SYNE2: variants seen among roughly 807,000 people sequenced by gnomAD.
SYNE2 encodes spectrin repeat containing nuclear envelope protein 2.
SYNE2 carries 431 observed loss-of-function variants against 856.3 expected under a neutral mutation model. The ratio of observed to expected loss-of-function variants is 0.50; its 90% CI spans 0.47 to 0.55. The LOEUF (loss-of-function observed/expected upper bound fraction) is 0.55. Ranked by LOEUF, SYNE2 falls within the 20% of genes least tolerant of loss-of-function variation. The pLI, the probability that SYNE2 is intolerant of heterozygous loss-of-function variation, is 0.00. For missense variants in SYNE2, 8,129 were observed against 8,023.2 expected (o/e 1.01, Z -0.50); for synonymous variants, 2,923 against 2,872.3 (o/e 1.02, Z -0.56).
At chr14:63,908,526 A>T (rs913347702) in intron 1 of SYNE2, among the ~76,000 whole-genome samples, 1 of 152,218 alleles carries the variant, frequency 6.6e-6, no homozygotes, top group Admixed American at 6.5e-5. Context: ...AGAAATGTGT[A>T]GGTGAAAAAA....
In SYNE2 at chr14:64,219,354, A is replaced by G; in HGVS notation, c.19804A>G (p.Met6602Val). 6.2e-7 allele frequency: 1 copy of G among 1,614,154 alleles called. No homozygotes were observed. Among genetic ancestry groups the G allele is most frequent in the Non-Finnish European group, 8.5e-7 (1 of 1,180,044 alleles). ...KTEAELEMLKMAKPPSDIQEI... is the reference protein window; with the variant it reads ...KTEAELEMLKVAKPPSDIQEI... ...TGAAGCAGAGCTGGAAATGTTAAAG[A>G]TGGCAAAGCCTCCCTCTGATATCCA... is the stretch of plus-strand genomic sequence containing the variant. Residue 6602 changes from methionine (M) to valine (V), a missense_variant, in exon 110 of 116, where the codon ATG becomes GTG. Met to Val is a conservative substitution (Grantham distance 21). This residue lies in a region of SYNE2 where 5,410 missense variants were observed against 5,284.8 expected (regional missense o/e 1.02). Coordinates refer to ENST00000555002, the MANE Select transcript of SYNE2 (RefSeq NM_182914.3).
At chr14:64,155,826 G>T (rs1045400202) in intron 85 of SYNE2, among the ~76,000 whole-genome samples, 2 of 152,220 alleles carry the variant, frequency 1.3e-5, no homozygotes, top group Non-Finnish European at 2.9e-5. Context: ...TATTCGGGAG[G>T]CCGAGATGGG....
At chr14:64,144,273 A>T (rs962072378) in intron 83 of SYNE2, among the ~76,000 whole-genome samples, 12 of 152,234 alleles carry the variant, frequency 7.9e-5, no homozygotes, top group African/African-American at 2.7e-4. Flanking sequence ...GCAGATGTTC[A>T]AAAGGGGCAA....
chr14:63,986,207 C>T (rs181927550), intron 18 of SYNE2, among the ~76,000 whole-genome samples: 5 of 152,144 alleles, frequency 3.3e-5, no homozygotes, highest in Admixed American at 2.0e-4. Context: ...TTAGGCAATT[C>T]GCTTGCCTCA....
At chr14:63,897,339 C>A (rs1005246221) in intron 1 of SYNE2, among the ~76,000 whole-genome samples, 1 of 152,162 alleles carries the variant, frequency 6.6e-6, no homozygotes, top group African/African-American at 2.4e-5. Context: ...GCTCGTTTCC[C>A]CACCTTTGTA....
chr14:64,154,872 A>G (rs1223629611), intron 85 of SYNE2, among the ~76,000 whole-genome samples: 1 of 152,120 alleles, frequency 6.6e-6, no homozygotes, highest in Non-Finnish European at 1.5e-5. Context: ...CGAAAAGTGC[A>G]TTGAAAAGAT....
intron 51 of SYNE2, among the ~76,000 whole-genome samples, chr14:64,066,166 A>G (rs1340345146): frequency 6.6e-6 from 1 of 152,142 alleles, no homozygotes; most frequent in African/African-American, 2.4e-5. Flanking sequence ...TTGGTTCAGG[A>G]TTTAGGTATG....
At chr14:64,088,189 T>G (rs2097578674) in intron 58 of SYNE2, among the ~76,000 whole-genome samples, 1 of 152,100 alleles carries the variant, frequency 6.6e-6, no homozygotes, top group Admixed American at 6.6e-5. Flanking sequence ...TCAAATAAAT[T>G]AGAGTTATAC....
At chr14:64,040,477 A>G (rs1389201542) in intron 45 of SYNE2, among the ~76,000 whole-genome samples, 2 of 151,810 alleles carry the variant, frequency 1.3e-5, no homozygotes, top group African/African-American at 4.8e-5. Flanking sequence ...CTTTGGCCAA[A>G]TTAAGCAGCA....
chr14:64,038,664 A>G (rs1481636948), intron 45 of SYNE2, among the ~76,000 whole-genome samples: 4 of 152,234 alleles, frequency 2.6e-5, no homozygotes, highest in Admixed American at 1.3e-4. Context: ...AACACAGCGA[A>G]ACCCGGTCTC....
chr14:64,097,460 G>A (rs1024705791), intron 61 of SYNE2, among the ~76,000 whole-genome samples: 11 of 152,286 alleles, frequency 7.2e-5, no homozygotes, highest in African/African-American at 2.6e-4. Flanking sequence ...AGAATTTCCT[G>A]GAGAGACATG....
intron 84 of SYNE2, among the ~76,000 whole-genome samples, chr14:64,150,407 G>A (rs1277410145): frequency 4.7e-5 from 7 of 148,492 alleles, no homozygotes; most frequent in African/African-American, 1.7e-4. Context: ...TTTTTGTAAC[G>A]GCAGAGTTTT....
In SYNE2 at chr14:64,076,048, T is replaced by C. The variant is rs765755231; in HGVS notation, c.10970T>C (p.Ile3657Thr). 6 of 1,613,898 alleles carry C rather than the reference T, an allele frequency of 3.7e-6. No individual in the cohort carries two copies. The highest frequency in any genetic ancestry group is 1.7e-4 in the Middle Eastern group (1 of 6,038). ...SEMYTIVPAE[I>T]ESQVEECRKA... ...ATGTACACCATAGTCCCTGCAGAGA[T>C]TGAATCCCAGGTGGAAGAATGCAGA... The change falls in exon 54 of 116, where the codon ATT becomes ACT. Residue 3657 changes from isoleucine (I) to threonine (T), a missense_variant. By Grantham distance (89) the Ile-to-Thr change is moderately conservative. Around this residue, in one of 3 missense-constraint regions of SYNE2, gnomAD observed 5,410 missense variants for 5,284.8 expected, o/e 1.02. Coordinates refer to ENST00000555002, the MANE Select transcript of SYNE2 (RefSeq NM_182914.3).
intron 89 of SYNE2, among the ~76,000 whole-genome samples, chr14:64,164,343 C>T (rs1221819922): frequency 6.6e-6 from 1 of 152,098 alleles, no homozygotes. Flanking sequence ...ATCTCCTGAC[C>T]TCGTGATCCA....
At chr14:63,869,019 C>A (rs1312785969) in intron 1 of SYNE2, among the ~76,000 whole-genome samples, 1 of 152,192 alleles carries the variant, frequency 6.6e-6, no homozygotes, top group Non-Finnish European at 1.5e-5. Context: ...AGGACATTAA[C>A]CTTCAAGCAG....
intron 22 of SYNE2, among the ~76,000 whole-genome samples, chr14:63,994,176 A>G (rs980998325): frequency 3.9e-5 from 6 of 152,140 alleles, no homozygotes; most frequent in Non-Finnish European, 4.4e-5. Flanking sequence ...TTCAGCAGCT[A>G]TGACCCTGGG....
chr14:63,992,240 A>AG (rs1336893193), intron 21 of SYNE2, among the ~76,000 whole-genome samples: 2 of 135,826 alleles, frequency 1.5e-5, no homozygotes, highest in Non-Finnish European at 3.3e-5. Context: ...GAAAAAGAGA[A>AG]GGAAAAAAAA....
chr14:63,972,088 T>C (rs2096483828), intron 11 of SYNE2, among the ~76,000 whole-genome samples: 1 of 152,186 alleles, frequency 6.6e-6, no homozygotes, highest in Admixed American at 6.5e-5. Context: ...GCCACTCTTT[T>C]AGACAACCTA....
chr14:63,945,776 C>CA (rs1419216019), intron 6 of SYNE2, among the ~76,000 whole-genome samples: 1 of 152,102 alleles, frequency 6.6e-6, no homozygotes, highest in African/African-American at 2.4e-5. Context: ...AGGTGTGTGT[C>CA]ACTATGCCCA....
Sources: allele counts gnomAD v4.1 joint callset (sites outside exome capture counted in the v4.1 genomes callset), GRCh38; gene constraint gnomAD v4.1.1; regional missense constraint gnomAD v4.1.1; transcripts MANE v1.5; gene names NCBI Gene and HGNC (gene_info 2026-07-23, HGNC 2026-07-21).